The following HEATR5A variants were observed in gnomAD, a reference collection of about 807,000 sequenced individuals.
HEATR5A encodes HEAT repeat-containing protein 5A.
HEATR5A carries 178 observed loss-of-function variants against 218.8 expected under a neutral mutation model. The observed-to-expected ratio is 0.81, with a 90% confidence interval of 0.72 to 0.92. The LOEUF (loss-of-function observed/expected upper bound fraction) is 0.92. Ranked by LOEUF, HEATR5A falls within the 40% of genes least tolerant of loss-of-function variation. HEATR5A has a pLI of 0.00. For synonymous variants in HEATR5A, 864 were observed against 871.6 expected (o/e 0.99, Z 0.15); for missense variants, 2,420 against 2,418.9 (o/e 1.00, Z -0.01).
intron 16 of HEATR5A, 86 bp from the exon 17 acceptor site, chr14:31,350,803 A>T: frequency 9.5e-6 from 7 of 739,656 alleles, no homozygotes; most frequent in Non-Finnish European, 2.3e-6. Context: ...TTTGAGACGG[A>T]GTCTCACTCT....
chr14:31,303,415 A>G (rs1899452582), intron 32 of HEATR5A, among the ~76,000 whole-genome samples: 1 of 152,162 alleles, frequency 6.6e-6, no homozygotes, highest in Admixed American at 6.6e-5. Flanking sequence ...CCTGGGTGAC[A>G]CAGTAAGACT....
In HEATR5A at chr14:31,383,649, G is replaced by A. The variant is rs758539397; in HGVS notation, c.1468C>T (p.Arg490Cys). Residue 490 changes from arginine to cysteine, a missense_variant, in exon 10 of 36, where the codon CGT (arginine) becomes TGT (cysteine). Coordinates refer to ENST00000543095, the MANE Select transcript of HEATR5A (RefSeq NM_015473.4). ...TGTCCAGTAAGCCGTTCAAGGCAAC[G>A]ATCCAAGAGTGGTGTTAGGTAGGAG... ...LPSYLTPLLD[R>C]CLERLTGHKS... 3.1e-6 allele frequency: 5 copies of A among 1,613,844 alleles called. No individual in the cohort carries two copies. The highest frequency in any genetic ancestry group is 2.2e-5 in the East Asian group (1 of 44,878).
intron 30 of HEATR5A, among the ~76,000 whole-genome samples, chr14:31,307,462 G>A (rs1899590461): frequency 6.6e-6 from 1 of 152,116 alleles, no homozygotes; most frequent in Admixed American, 6.6e-5. Flanking sequence ...AAAAAGACCT[G>A]GGGGGAGAAC....
intron 10 of HEATR5A, among the ~76,000 whole-genome samples, chr14:31,382,192 C>T (rs1258542573): frequency 1.3e-5 from 2 of 152,178 alleles, no homozygotes; most frequent in Non-Finnish European, 2.9e-5. Flanking sequence ...TAATTAAATA[C>T]ATTGAATGAC....
chr14:31,302,764 G>T, intron 32 of HEATR5A: 2 of 418,770 alleles, frequency 4.8e-6, no homozygotes, highest in Non-Finnish European at 8.5e-6. Flanking sequence ...TTATGCTTAT[G>T]CTGTTTTTGT....
At chr14:31,322,096 C>A (rs1207172333) in intron 24 of HEATR5A, among the ~76,000 whole-genome samples, 2 of 152,076 alleles carry the variant, frequency 1.3e-5, no homozygotes, top group East Asian at 3.8e-4. Context: ...AAGTTTTATG[C>A]GGCTCTTTCT....
At chr14:31,346,906 AATG>A (rs1320003135) in intron 19 of HEATR5A, among the ~76,000 whole-genome samples, 1 of 152,172 alleles carries the variant, frequency 6.6e-6, no homozygotes, top group African/African-American at 2.4e-5. Context: ...AAGATAGGAG[AATG>A]ATGATTTTAC....
At chr14:31,307,785 G>GA (rs1340087595) in intron 30 of HEATR5A, 108 bp downstream of exon 30, 15 of 1,312,244 alleles carry the variant, frequency 1.1e-5, no homozygotes, top group South Asian at 3.0e-5. Context: ...GTATGGTTTA[G>GA]AAAAAAAATT....
At chr14:31,327,347 G>C (rs1477327130) in intron 22 of HEATR5A, among the ~76,000 whole-genome samples, 1 of 136,754 alleles carries the variant, frequency 7.3e-6, no homozygotes, top group African/African-American at 2.8e-5. Flanking sequence ...AGGCTGGAGT[G>C]CAGTGGCATA....
intron 24 of HEATR5A, 125 bp from the exon 25 acceptor site, chr14:31,321,805 GT>G: frequency 1.5e-6 from 1 of 680,082 alleles, no homozygotes; most frequent in Non-Finnish European, 2.5e-6. Context: ...TTGATATACT[GT>G]TTTTGCTGTT....
In HEATR5A at chr14:31,349,775, A is replaced by C. The variant is rs934744185; in HGVS notation, c.2708+14T>G. ...AAACATAGCCTCTGAATATTAAATA[A>C]GAAATTCACTTACTTGTCAAAGCTA... On this transcript the variant is annotated intron_variant, in intron 18 of 35. Coordinates refer to ENST00000543095, the MANE Select transcript of HEATR5A (RefSeq NM_015473.4). 5.7e-6 allele frequency: 9 copies of C among 1,584,930 alleles called. No individual in the cohort carries two copies. The highest frequency in any genetic ancestry group is 6.9e-6 in the Non-Finnish European group (8 of 1,155,452).
chr14:31,410,495 TACAC>T (rs2139321897), intron 1 of HEATR5A, among the ~76,000 whole-genome samples: 1 of 152,364 alleles, frequency 6.6e-6, no homozygotes, highest in East Asian at 1.9e-4. Flanking sequence ...ACTCACCAGT[TACAC>T]AGAGCATTAG....
intron 25 of HEATR5A, chr14:31,320,328 G>A (rs1249473021): frequency 2.5e-6 from 2 of 797,220 alleles, no homozygotes. Flanking sequence ...TGCTGCTTGA[G>A]AGACAGCTTC....
chr14:31,384,235 G>A (rs2030112358), intron 9 of HEATR5A, among the ~76,000 whole-genome samples: 1 of 152,022 alleles, frequency 6.6e-6, no homozygotes, highest in African/African-American at 2.4e-5. Context: ...CTGAGCTCAG[G>A]AGTTTGAGAC....
At chr14:31,363,496 GC>G (rs1194878596) in intron 14 of HEATR5A, among the ~76,000 whole-genome samples, 1 of 151,998 alleles carries the variant, frequency 6.6e-6, no homozygotes, top group Non-Finnish European at 1.5e-5. Flanking sequence ...ACAGCATGAG[GC>G]AAACTTATGT....
intron 2 of HEATR5A, 41 bp from the exon 3 acceptor site, chr14:31,400,553 T>C (rs1457915999): frequency 3.3e-6 from 4 of 1,230,644 alleles, no homozygotes; most frequent in South Asian, 1.4e-5. Context: ...AAAGTCAATA[T>C]AATTATCTGT....
At chr14:31,298,931 A>G (rs769509653) in intron 33 of HEATR5A, among the ~76,000 whole-genome samples, 4 of 152,102 alleles carry the variant, frequency 2.6e-5, no homozygotes, top group Non-Finnish European at 5.9e-5. Context: ...GTGCCTCACC[A>G]CTGTGAGCTC....
At chr14:31,313,754 A>G (rs1284006328) in intron 27 of HEATR5A, among the ~76,000 whole-genome samples, 1 of 152,214 alleles carries the variant, frequency 6.6e-6, no homozygotes, top group Non-Finnish European at 1.5e-5. Context: ...AACTTATGTG[A>G]GGCCATTTAA....
chr14:31,379,375 C>T (rs1235841171), intron 11 of HEATR5A, among the ~76,000 whole-genome samples: 3 of 152,060 alleles, frequency 2.0e-5, no homozygotes, highest in African/African-American at 7.2e-5. Flanking sequence ...CTCAGCTTCC[C>T]GAGTAGCTGG....
Sources: allele counts gnomAD v4.1 joint callset (sites outside exome capture counted in the v4.1 genomes callset), GRCh38; gene constraint gnomAD v4.1.1; transcripts MANE v1.5; gene names NCBI Gene and HGNC (gene_info 2026-07-23, HGNC 2026-07-21).